Variants in ATG7 observed in about 807,000 individuals in gnomAD.
ATG7 encodes ubiquitin-like modifier-activating enzyme ATG7.
In ATG7, 70 loss-of-function variants were observed where a neutral mutation model predicts 82.4. The ratio of observed to expected loss-of-function variants is 0.85; its 90% CI spans 0.70 to 1.04. The LOEUF is 1.04. ATG7 is among the 50% of genes least tolerant of loss of function. The pLI, the probability that ATG7 is intolerant of heterozygous loss-of-function variation, is 0.00. For synonymous variants in ATG7, 287 were observed against 313.0 expected (o/e 0.92, Z 0.88); for missense variants, 792 against 864.3 (o/e 0.92, Z 1.05).
chr3:11,574,277 C>G, the ATG7 span, among the ~76,000 whole-genome samples: 1 of 152,188 alleles, frequency 6.6e-6, no homozygotes, highest in Admixed American at 6.5e-5. Flanking sequence ...TCTGCTTTAT[C>G]TATGATCAAC....
In ATG7 at chr3:11,330,737, C is replaced by T. The variant is rs534275174; in HGVS notation, c.679-603C>T. On this transcript the variant is annotated intron_variant, in intron 9 of 20. Coordinates refer to ENST00000693202, the MANE Select transcript of ATG7 (RefSeq NM_001349232.2). ...TACAAGGTTCAAAGAGCTGTGAAAG[C>T]AGCAAGGACAGGCCAACTACTTCTG... 1.2e-4 allele frequency among the ~76,000 whole-genome samples: 19 copies of T among 152,288 alleles called. No individual in the cohort carries two copies. In the South Asian group the frequency reaches 3.5e-3, roughly 28 times the overall value.
intron 1 of ATG7, chr3:11,272,842 T>G (rs1030511060): frequency 2.6e-5 from 4 of 152,248 alleles, no homozygotes; most frequent in Non-Finnish European, 5.9e-5. Context: ...ATCTGCAAAA[T>G]GGGAATGATA....
intron 19 of ATG7, among the ~76,000 whole-genome samples, chr3:11,392,000 G>T (rs2078850976): frequency 6.6e-6 from 1 of 151,536 alleles, no homozygotes; most frequent in Non-Finnish European, 1.5e-5. Context: ...GCAGCTTCGA[G>T]GACTTAATTG....
intron 20 of ATG7, among the ~76,000 whole-genome samples, chr3:11,505,802 T>A (rs963685799): frequency 6.6e-6 from 1 of 152,198 alleles, no homozygotes; most frequent in Non-Finnish European, 1.5e-5. Context: ...GTGGCTTAAG[T>A]GCTAGTCAGT....
chr3:11,370,359 G>C (rs2076912676), intron 18 of ATG7, among the ~76,000 whole-genome samples: 1 of 151,068 alleles, frequency 6.6e-6, no homozygotes, highest in Non-Finnish European at 1.5e-5. Flanking sequence ...CGAGAGTTGG[G>C]TCAGTGGTGG....
chr3:11,429,357 A>T (rs1030613162), intron 20 of ATG7, among the ~76,000 whole-genome samples: 1 of 151,990 alleles, frequency 6.6e-6, no homozygotes, highest in Non-Finnish European at 1.5e-5. Context: ...TTAGTCGGGC[A>T]TGGTGGCACA....
At chr3:11,526,914 T>A (rs2092589995) in intron 20 of ATG7, among the ~76,000 whole-genome samples, 1 of 152,052 alleles carries the variant, frequency 6.6e-6, no homozygotes, top group East Asian at 1.9e-4. Context: ...TTATTAAAAT[T>A]GTGAGTGAAG....
At chr3:11,455,637 C>CT (rs2085631752) in intron 20 of ATG7, among the ~76,000 whole-genome samples, 1 of 152,180 alleles carries the variant, frequency 6.6e-6, no homozygotes, top group South Asian at 2.1e-4. Flanking sequence ...ACCAGGAGCA[C>CT]TTGTAAGGCT....
intron 19 of ATG7, among the ~76,000 whole-genome samples, chr3:11,420,230 C>T (rs925362373): frequency 6.6e-6 from 1 of 152,156 alleles, no homozygotes; most frequent in African/African-American, 2.4e-5. Context: ...ACTGGAGAAC[C>T]CTTACATGAT....
the ATG7 span, among the ~76,000 whole-genome samples, chr3:11,573,097 C>G: frequency 6.6e-6 from 1 of 151,362 alleles, no homozygotes; most frequent in African/African-American, 2.4e-5. Context: ...ACCCGGGAGG[C>G]GGAGGTTGCA....
chr3:11,274,125 C>A (rs1322647133), intron 1 of ATG7, among the ~76,000 whole-genome samples: 2 of 152,104 alleles, frequency 1.3e-5, no homozygotes, highest in East Asian at 1.9e-4. Flanking sequence ...ATTTTGAAAT[C>A]CTTTAAGAGC....
intron 20 of ATG7, among the ~76,000 whole-genome samples, chr3:11,517,585 G>T (rs1185011635): frequency 6.6e-6 from 1 of 152,170 alleles, no homozygotes; most frequent in Non-Finnish European, 1.5e-5. Context: ...GTATCCAGAA[G>T]AAGCCAGAGG....
chr3:11,566,578 ATGT>A, the ATG7 span, among the ~76,000 whole-genome samples: 1 of 152,042 alleles, frequency 6.6e-6, no homozygotes, highest in Non-Finnish European at 1.5e-5. Context: ...ACGCCTCCAA[ATGT>A]TGTGTTCCGT....
At chr3:11,305,006 C>G (rs1429106649) in intron 5 of ATG7, among the ~76,000 whole-genome samples, 7 of 152,146 alleles carry the variant, frequency 4.6e-5, no homozygotes, top group Admixed American at 4.6e-4. Context: ...TCTCCATCCC[C>G]CCTCCTCCAT....
chr3:11,319,723 GCCAGA>G (rs1318340032), intron 9 of ATG7, among the ~76,000 whole-genome samples: 2 of 152,164 alleles, frequency 1.3e-5, no homozygotes, highest in Admixed American at 1.3e-4. Context: ...AGTCACACAA[GCCAGA>G]AATCTGGTTA....
intron 20 of ATG7, among the ~76,000 whole-genome samples, chr3:11,553,374 A>G (rs2072015829): frequency 6.6e-6 from 1 of 151,644 alleles, no homozygotes; most frequent in Admixed American, 6.6e-5. Context: ...TGGCTACATG[A>G]ATGTGTGTTC....
chr3:11,409,324 C>T (rs2080667459), intron 19 of ATG7, among the ~76,000 whole-genome samples: 1 of 152,120 alleles, frequency 6.6e-6, no homozygotes, highest in Admixed American at 6.5e-5. Context: ...TCTTGAGATG[C>T]CATGCAGTGG....
chr3:11,366,755 C>A (rs932769721), intron 18 of ATG7, among the ~76,000 whole-genome samples: 11 of 151,878 alleles, frequency 7.2e-5, no homozygotes, highest in Non-Finnish European at 1.5e-4. Flanking sequence ...GGCCCAGTGT[C>A]AAAATGCATG....
At chr3:11,296,722 C>T (rs930843927) in intron 3 of ATG7, among the ~76,000 whole-genome samples, 4 of 152,158 alleles carry the variant, frequency 2.6e-5, no homozygotes, top group African/African-American at 9.7e-5. Context: ...TTTCACGTGT[C>T]CCTATTTCTG....
Sources: allele counts gnomAD v4.1 joint callset (sites outside exome capture counted in the v4.1 genomes callset), GRCh38; gene constraint gnomAD v4.1.1; transcripts MANE v1.5; gene names NCBI Gene and HGNC (gene_info 2026-07-23, HGNC 2026-07-21).